The following LGSN variants were observed in gnomAD, a reference collection of about 807,000 sequenced individuals.
The protein encoded by LGSN is lengsin.
Under a neutral mutation model 19.5 loss-of-function variants are expected in LGSN, and 21 were observed. The ratio of observed to expected loss-of-function variants is 1.07; its 90% confidence interval spans 0.76 to 1.55. The LOEUF (loss-of-function observed/expected upper bound fraction) is 1.55, where lower values mean the gene tolerates loss of function less well. Among genes scored for constraint, LGSN ranks in the 40% most tolerant of loss-of-function variants. LGSN has a pLI of 0.00. For missense variants in LGSN, 673 were observed against 608.5 expected, an observed-to-expected ratio of 1.11 and a Z score of -1.12; for synonymous variants, 257 against 215.6, an observed-to-expected ratio of 1.19 and a Z score of -1.68.
At chr6:63,406,441 G>A in the LGSN span, among the ~76,000 whole-genome samples, 5 of 151,612 alleles carry the variant, frequency 3.3e-5, no homozygotes, top group Non-Finnish European at 7.4e-5. Flanking sequence ...GGTACATAAT[G>A]AAATGAAGGC....
intron 1 of LGSN, among the ~76,000 whole-genome samples, chr6:63,312,997 C>A (rs530618225): frequency 2.4e-4 from 37 of 151,940 alleles, no homozygotes; most frequent in African/African-American, 8.9e-4. Context: ...CAAGCATTGA[C>A]CATAAGGGTC....
At chr6:63,325,007 G>C in the LGSN span, among the ~76,000 whole-genome samples, 1 of 151,290 alleles carries the variant, frequency 6.6e-6, no homozygotes, top group African/African-American at 2.4e-5. Context: ...AGGGGACTCA[G>C]GCAGGAGGAT....
At chr6:63,484,205 T>C in the LGSN span, among the ~76,000 whole-genome samples, 1 of 151,752 alleles carries the variant, frequency 6.6e-6, no homozygotes, top group East Asian at 1.9e-4. Context: ...CTAAAATAAA[T>C]AGGCATCAAA....
chr6:63,546,512 C>T, the LGSN span, among the ~76,000 whole-genome samples: 1 of 152,130 alleles, frequency 6.6e-6, no homozygotes, highest in African/African-American at 2.4e-5. Context: ...TCGAGACCAG[C>T]CTGACCAATA....
chr6:63,473,794 G>T, the LGSN span, among the ~76,000 whole-genome samples: 3 of 147,632 alleles, frequency 2.0e-5, no homozygotes, highest in Admixed American at 2.1e-4. Flanking sequence ...TCCTTCTTGA[G>T]ATGTTACTTC....
intron 2 of LGSN, chr6:63,293,929 G>A (rs747616370): frequency 2.8e-6 from 1 of 361,410 alleles, no homozygotes; most frequent in African/African-American, 2.1e-5. Flanking sequence ...ATATGGAGAG[G>A]AATACTTGAG....
the LGSN span, among the ~76,000 whole-genome samples, chr6:63,431,773 A>G: frequency 6.6e-6 from 1 of 152,136 alleles, no homozygotes; most frequent in East Asian, 1.9e-4. Context: ...AATTTCATTA[A>G]GAAACAGCAT....
At chr6:63,333,070 C>A in the LGSN span, among the ~76,000 whole-genome samples, 2 of 151,762 alleles carry the variant, frequency 1.3e-5, no homozygotes, top group Admixed American at 6.6e-5. Context: ...TGAGCAGTAG[C>A]AAGATTTATT....
the LGSN span, among the ~76,000 whole-genome samples, chr6:63,344,701 A>T: frequency 6.6e-6 from 1 of 152,114 alleles, no homozygotes; most frequent in African/African-American, 2.4e-5. Flanking sequence ...CTGAGAGTTT[A>T]GGGCCAAATT....
At chr6:63,336,553 GTGTGTGTGTA>G in the LGSN span, among the ~76,000 whole-genome samples, 1 of 140,506 alleles carries the variant, frequency 7.1e-6, no homozygotes, top group African/African-American at 2.9e-5. Context: ...GTGTGTGTGT[GTGTGTGTGTA>G]TATATATATA....
chr6:63,404,503 C>T, the LGSN span, among the ~76,000 whole-genome samples: 1 of 152,038 alleles, frequency 6.6e-6, no homozygotes, highest in African/African-American at 2.4e-5. Context: ...GTTTATTACT[C>T]ACAGTTCTGG....
At chr6:63,358,897 T>C in the LGSN span, among the ~76,000 whole-genome samples, 1 of 152,118 alleles carries the variant, frequency 6.6e-6, no homozygotes, top group Non-Finnish European at 1.5e-5. Context: ...GAGAGGACAT[T>C]CCCGTCTTGT....
At chr6:63,285,412 G>C (rs911051259) in intron 3 of LGSN, among the ~76,000 whole-genome samples, 175 bp downstream of exon 3, 7 of 152,194 alleles carry the variant, frequency 4.6e-5, no homozygotes, top group African/African-American at 1.7e-4. Flanking sequence ...TACATGTTTA[G>C]CTCCTTGGGG....
chr6:63,474,887 CAAAAA>C, the LGSN span, among the ~76,000 whole-genome samples: 3 of 110,574 alleles, frequency 2.7e-5, no homozygotes, highest in Non-Finnish European at 1.8e-5. Flanking sequence ...GACTCCGTCT[CAAAAA>C]AAAAAAAAAA....
intron 2 of LGSN, among the ~76,000 whole-genome samples, chr6:63,292,133 A>G (rs1767796637): frequency 6.6e-6 from 1 of 152,180 alleles, no homozygotes. Flanking sequence ...GATTCTCTCA[A>G]CAATCTGAAT....
the LGSN span, among the ~76,000 whole-genome samples, chr6:63,445,469 A>G: frequency 2.0e-5 from 3 of 151,210 alleles, no homozygotes; most frequent in Non-Finnish European, 4.4e-5. Flanking sequence ...AATACAAAAA[A>G]ATAGCCAGTG....
At chr6:63,318,940 C>T (rs541978591) in intron 1 of LGSN, among the ~76,000 whole-genome samples, 3 of 152,292 alleles carry the variant, frequency 2.0e-5, no homozygotes, top group African/African-American at 7.2e-5. Flanking sequence ...TAGCTAAATT[C>T]ATTATAATCA....
At chr6:63,333,018 G>A in the LGSN span, among the ~76,000 whole-genome samples, 548 of 152,110 alleles carry the variant, frequency 3.6e-3, 6 homozygotes, top group African/African-American at 0.012. Flanking sequence ...AGACCTTCAC[G>A]GTGAGTGTTA....
the LGSN span, among the ~76,000 whole-genome samples, chr6:63,572,980 G>A: frequency 6.6e-6 from 1 of 152,122 alleles, no homozygotes; most frequent in Non-Finnish European, 1.5e-5. Context: ...AGTCCCTCCC[G>A]AGCCCGGAGC....
Sources: allele counts gnomAD v4.1 joint callset (sites outside exome capture counted in the v4.1 genomes callset), GRCh38; gene constraint gnomAD v4.1.1; transcripts MANE v1.5; gene names NCBI Gene and HGNC (gene_info 2026-07-23, HGNC 2026-07-21).